PARD3B: variants seen among roughly 807,000 people sequenced by gnomAD.
PARD3B encodes the protein partitioning defective 3 homolog B.
PARD3B carries 103 observed loss-of-function variants against 130.2 expected under a neutral mutation model. The ratio of observed to expected loss-of-function variants is 0.79; its 90% CI spans 0.67 to 0.93. The LOEUF is 0.93. Ranked by LOEUF, PARD3B falls within the 40% of genes least tolerant of loss-of-function variation. The pLI, the probability that PARD3B is intolerant of heterozygous loss-of-function variation, is 0.00. For synonymous variants in PARD3B, 583 were observed against 553.2 expected (o/e 1.05, Z -0.76); for missense variants, 1,609 against 1,499.2 (o/e 1.07, Z -1.21).
intron 2 of PARD3B, among the ~76,000 whole-genome samples, chr2:204,935,187 A>G (rs1446057140): frequency 1.4e-5 from 2 of 147,940 alleles, no homozygotes; most frequent in African/African-American, 5.0e-5. Flanking sequence ...CTGTTCACAT[A>G]AGAACACTTA....
At chr2:204,634,064 A>C (rs970881420) in intron 1 of PARD3B, among the ~76,000 whole-genome samples, 3 of 152,158 alleles carry the variant, frequency 2.0e-5, no homozygotes, top group African/African-American at 7.2e-5. Flanking sequence ...GCTATCAAAT[A>C]GTAGGCCTTA....
chr2:205,421,988 A>G lies in PARD3B; in HGVS notation c.2742-18382A>G, dbSNP rs1423778756. 1.3e-5 allele frequency among the ~76,000 whole-genome samples: 2 copies of G among 152,190 alleles called. No homozygotes were observed. Among genetic ancestry groups the G allele is most frequent in the African/African-American group, 4.8e-5 (2 of 41,450 alleles). ...GCACTGTGCTAGATATTGGAGTTCT[A>G]TCAATAGACAAGTCAAACAAGGACG... On this transcript the variant is annotated intron_variant, in intron 19 of 22. Transcript: ENST00000406610. This position sits in a 1 kb window ranked among gnomAD's most constrained non-coding sequence, Gnocchi z 5.1.
intron 19 of PARD3B, among the ~76,000 whole-genome samples, chr2:205,432,312 C>T (rs1176048665): frequency 6.6e-6 from 1 of 152,178 alleles, no homozygotes; most frequent in African/African-American, 2.4e-5. Context: ...CTCAACAAAG[C>T]AGTCAGAGAG....
chr2:204,917,475 G>A (rs922837134), intron 2 of PARD3B, among the ~76,000 whole-genome samples: 8 of 152,088 alleles, frequency 5.3e-5, no homozygotes, highest in African/African-American at 1.9e-4. Flanking sequence ...TTTTATCCTG[G>A]GCAACTAGAG....
chr2:204,965,116 C>G, intron 2 of PARD3B, 36 bp from the exon 3 acceptor site: 1 of 1,602,112 alleles, frequency 6.2e-7, no homozygotes, highest in Non-Finnish European at 8.5e-7. Context: ...TATGCATGTC[C>G]TACAAAGTAA....
In PARD3B at chr2:205,421,694, A is replaced by T. The variant is rs2046978864; in HGVS notation, c.2742-18676A>T. ...CACATACTTGGTATCATAAAACAAC[A>T]TAAATTTATTCTCTTAACGTTTTGG... is the stretch of plus-strand genomic sequence containing the variant. On this transcript the variant is annotated intron_variant, in intron 19 of 22. Transcript: ENST00000406610. The surrounding 1 kb of genome is among the most constrained non-coding windows in gnomAD (Gnocchi z 5.1). 6.6e-6 allele frequency among the ~76,000 whole-genome samples: 1 copy of T among 152,200 alleles called. No homozygotes were observed. Among genetic ancestry groups the T allele is most frequent in the African/African-American group, 2.4e-5 (1 of 41,458 alleles).
intron 3 of PARD3B, among the ~76,000 whole-genome samples, chr2:205,035,824 T>TATATATATATATATAGTGGG (rs1280981574): frequency 3.0e-5 from 1 of 33,764 alleles, no homozygotes; most frequent in African/African-American, 1.4e-4. Context: ...TATATATCTA[T>TATATATATATATATAGTGGG]ATATCTATAT....
chr2:204,859,785 A>G (rs2045108899), intron 2 of PARD3B, among the ~76,000 whole-genome samples: 1 of 152,248 alleles, frequency 6.6e-6, no homozygotes, highest in Non-Finnish European at 1.5e-5. Flanking sequence ...GCCCTAGAGC[A>G]TAACCCACAG....
chr2:205,168,789 T>A (rs573038772), intron 11 of PARD3B, among the ~76,000 whole-genome samples: 2 of 152,266 alleles, frequency 1.3e-5, no homozygotes, highest in East Asian at 3.9e-4. Flanking sequence ...GGTAGCATAT[T>A]GTCCTCTCTG....
chr2:205,125,668 C>T lies in PARD3B; in HGVS notation c.1365C>T (p.Ser455=), dbSNP rs1437893338. 1.2e-6 allele frequency: 2 copies of T among 1,614,094 alleles called. No homozygotes were observed. Among genetic ancestry groups the T allele is most frequent in the Admixed American group, 3.3e-5 (2 of 60,024 alleles). The change falls in exon 10 of 23, where the codon AGC becomes AGT. Residue 455 remains serine (S), a synonymous_variant. Coordinates refer to ENST00000406610, the MANE Select transcript of PARD3B (RefSeq NM_001302769.2). The surrounding 1 kb of genome is among the most constrained non-coding windows in gnomAD (Gnocchi z 4.0). ...TQEELVAMLR[S]TKQGETASLV... ...AAGAGCTTGTGGCCATGCTCAGGAGCACCAAGCAGGGGGAGACAGCATCGC... is the reference window on the plus strand; with the variant it reads ...AAGAGCTTGTGGCCATGCTCAGGAGTACCAAGCAGGGGGAGACAGCATCGC...
At position 205,325,619 on chromosome 2, in the gene PARD3B, C is replaced by G. The variant is rs1345615939; in HGVS notation, c.2630+23918C>G. 6.6e-6 allele frequency among the ~76,000 whole-genome samples: 1 copy of G among 152,038 alleles called. No individual in the cohort carries two copies. The highest frequency in any genetic ancestry group is 2.4e-5 in the African/African-American group (1 of 41,404). ...TCATAACTCACTGTAGCCTCAGACC[C>G]CAGGGCTAAGTGATCCTCCCACCTC... On this transcript the variant is annotated intron_variant, in intron 18 of 22. Transcript: ENST00000406610. This position sits in a 1 kb window ranked among gnomAD's most constrained non-coding sequence, Gnocchi z 4.1.
intron 2 of PARD3B, among the ~76,000 whole-genome samples, chr2:204,809,593 G>T (rs1351599189): frequency 6.6e-6 from 1 of 152,074 alleles, no homozygotes; most frequent in Non-Finnish European, 1.5e-5. Flanking sequence ...CTGTTCCATT[G>T]GTCTATGTGC....
At chr2:205,124,521 C>T (rs987736487) in intron 9 of PARD3B, 55 bp downstream of exon 9, 25 of 1,343,430 alleles carry the variant, frequency 1.9e-5, no homozygotes, top group Non-Finnish European at 2.5e-5. Flanking sequence ...TTAAATAATG[C>T]CATTTAATTG....
intron 3 of PARD3B, among the ~76,000 whole-genome samples, chr2:204,981,596 C>T (rs1575472867): frequency 6.6e-6 from 1 of 152,258 alleles, no homozygotes; most frequent in East Asian, 1.9e-4. Context: ...AACTATCTAC[C>T]AGGCACTTTT....
chr2:205,526,265 A>G (rs1160454488), intron 21 of PARD3B, among the ~76,000 whole-genome samples: 1 of 152,108 alleles, frequency 6.6e-6, no homozygotes, highest in Admixed American at 6.5e-5. Context: ...GTGGATGTGC[A>G]CTTCTACCCA....
intron 12 of PARD3B, among the ~76,000 whole-genome samples, chr2:205,172,747 T>C (rs1054906010): frequency 6.6e-6 from 1 of 152,202 alleles, no homozygotes; most frequent in South Asian, 2.1e-4. Flanking sequence ...ATCATTGTAA[T>C]GCAGTCAGCT....
rs115882889 is a variant in PARD3B at position 205,108,198 on chromosome 2, C to T, written c.593+3684C>T. Reference sequence around the variant, plus strand: ...TCTATTAGTTTCAGCTAGATTATTGCAATAATTTAGTAATTCCTGCCTCAA... The same window carrying T: ...TCTATTAGTTTCAGCTAGATTATTGTAATAATTTAGTAATTCCTGCCTCAA... On this transcript the variant is annotated intron_variant, in intron 5 of 22. Transcript: ENST00000406610. Among the ~76,000 whole-genome samples the T allele has an allele frequency of 3.1e-3, 469 of 152,254 alleles. 2 individuals are homozygous for T. The highest frequency in any genetic ancestry group is 0.011 in the African/African-American group (447 of 41,548).
At chr2:204,830,003 A>C (rs2043748424) in intron 2 of PARD3B, among the ~76,000 whole-genome samples, 2 of 149,822 alleles carry the variant, frequency 1.3e-5, no homozygotes, top group South Asian at 4.2e-4. Context: ...CGTCTCAAAA[A>C]AAAAAAAAAA....
At chr2:205,481,883 A>G (rs888186444) in intron 20 of PARD3B, among the ~76,000 whole-genome samples, 1 of 152,154 alleles carries the variant, frequency 6.6e-6, no homozygotes, top group Admixed American at 6.6e-5. Context: ...AATAGGAGGG[A>G]AAGAAGATTT....
Sources: allele counts gnomAD v4.1 joint callset (sites outside exome capture counted in the v4.1 genomes callset), GRCh38; gene constraint gnomAD v4.1.1; non-coding constraint Gnocchi (gnomAD v3.1); transcripts MANE v1.5; gene names NCBI Gene and HGNC (gene_info 2026-07-23, HGNC 2026-07-21).